Variants in CCDC15 observed in about 807,000 individuals in gnomAD.
CCDC15 encodes the protein coiled-coil domain-containing protein 15.
A neutral mutation model predicts 114.5 loss-of-function variants in CCDC15; 105 were observed. The observed-to-expected ratio is 0.92, with a 90% CI of 0.78 to 1.08. The LOEUF (loss-of-function observed/expected upper bound fraction) is 1.08. Among genes scored for constraint, CCDC15 ranks in the 50% least tolerant of loss-of-function variants. The pLI is 0.00. For missense variants in CCDC15, 1,105 were observed against 1,093.6 expected, an observed-to-expected ratio of 1.01 and a Z score of -0.15; for synonymous variants, 334 against 377.8, an observed-to-expected ratio of 0.88 and a Z score of 1.34.
rs1317522228 is a variant in CCDC15, at chr11:124,992,568, A to G, written c.2032-12A>G. ...TCTGTTGTTGTTTTTCCTTTAAAATATGTTTCTCAAGCAACCTGCATCTTT... is the reference window on the plus strand; with the variant it reads ...TCTGTTGTTGTTTTTCCTTTAAAATGTGTTTCTCAAGCAACCTGCATCTTT... On this transcript the variant is annotated splice_polypyrimidine_tract_variant and intron_variant, in intron 9 of 15. Coordinates refer to ENST00000344762, the MANE Select transcript of CCDC15 (RefSeq NM_025004.3). 4.0e-6 allele frequency: 6 copies of G among 1,516,036 alleles called. No individual in the cohort carries two copies. Among genetic ancestry groups the G allele is most frequent in the South Asian group, 1.2e-5 (1 of 84,110 alleles). The allele number at this position is 1,516,036 out of a possible 1,614,324, so 93.9% of individuals were successfully genotyped here. A position where few individuals can be genotyped will look rare whatever the true frequency, so the allele number is the denominator to read the frequency against.
chr11:125,009,739 G>A (rs887300336), intron 13 of CCDC15, among the ~76,000 whole-genome samples: 2 of 152,096 alleles, frequency 1.3e-5, no homozygotes, highest in Non-Finnish European at 2.9e-5. Context: ...CCACTTATAA[G>A]TGAGAGCATG....
At chr11:125,004,646 T>G (rs922846907) in intron 12 of CCDC15, among the ~76,000 whole-genome samples, 1 of 152,070 alleles carries the variant, frequency 6.6e-6, no homozygotes, top group African/African-American at 2.4e-5. Flanking sequence ...CTTGTTTCAT[T>G]TATGAGTCTG....
At chr11:124,959,055 C>T in intron 2 of CCDC15, 60 bp from the exon 3 acceptor site, 1 of 1,171,210 alleles carries the variant, frequency 8.5e-7, no homozygotes, top group South Asian at 1.7e-5. Context: ...GTGTTTAAAA[C>T]AGCCCTAATG....
At position 125,037,303 on chromosome 11, in the gene CCDC15, A is replaced by G. The variant is rs549264899; in HGVS notation, c.2412-1128A>G. 9.2e-5 allele frequency among the ~76,000 whole-genome samples: 14 copies of G among 152,358 alleles called. 1 individual carries two copies. Among genetic ancestry groups the G allele is most frequent in the South Asian group, 2.1e-4 (1 of 4,828 alleles). ...TACTCTACCTAATGTTCTGTGAAAT[A>G]CAAGTTTTTCAAGTTTGATTGGTGG... On this transcript the variant is annotated intron_variant, in intron 13 of 15. Transcript: ENST00000344762.
Position 125,040,866 on chromosome 11 carries a change from T to G in CCDC15, c.*155T>G. The G allele has an allele frequency of 2.8e-6, 2 of 711,474 alleles. No individual in the cohort carries two copies. Among genetic ancestry groups the G allele is most frequent in the South Asian group, 2.0e-5 (1 of 48,840 alleles). The allele number at this position is 711,474 out of a possible 1,614,324, so 44.1% of individuals were successfully genotyped here. A position where few individuals can be genotyped will look rare whatever the true frequency, so the allele number is the denominator to read the frequency against. ...AGATTGTAATCATTGTTTTAATCTC[T>G]GTCTGGGAACCAAGATTGAAAGCTG... On this transcript the variant is annotated 3_prime_UTR_variant, in exon 16 of 16. Transcript: ENST00000344762.
At position 125,035,122 on chromosome 11, in the gene CCDC15, G is replaced by A. The variant is rs183679411; in HGVS notation, c.2412-3309G>A. ...TAGGCTGGGAGGCTAAGCCAGTCTA[G>A]TCTATTCACGTTCTTCTGCCTGGTT... On this transcript the variant is annotated intron_variant, in intron 13 of 15. Transcript: ENST00000344762. Among the ~76,000 whole-genome samples, 14 of 152,226 alleles carry A rather than the reference G, an allele frequency of 9.2e-5. 1 individual carries two copies. Among genetic ancestry groups the A allele is most frequent in the African/African-American group, 3.1e-4 (13 of 41,540 alleles).
At chr11:124,977,341 G>GT (rs1185627316) in intron 5 of CCDC15, 137 bp from the exon 6 acceptor site, 17 of 648,018 alleles carry the variant, frequency 2.6e-5, no homozygotes, top group Middle Eastern at 4.3e-4. Context: ...TAGAACTCAT[G>GT]TTTTTTCCCT....
chr11:125,002,573 G>C (rs1948496669), intron 11 of CCDC15, among the ~76,000 whole-genome samples: 1 of 152,078 alleles, frequency 6.6e-6, no homozygotes, highest in African/African-American at 2.4e-5. Context: ...AAATTTTTGT[G>C]TGTAGTGTTA....
intron 4 of CCDC15, among the ~76,000 whole-genome samples, chr11:124,968,433 A>G (rs1489133596): frequency 6.6e-6 from 1 of 152,176 alleles, no homozygotes. Context: ...GCAGTGAGCA[A>G]GGCTCTGTGG....
chr11:124,990,696 A>ATAAATTG (rs1199201035), intron 8 of CCDC15, among the ~76,000 whole-genome samples: 1 of 152,234 alleles, frequency 6.6e-6, no homozygotes, highest in Non-Finnish European at 1.5e-5. Flanking sequence ...TCAATTTTTT[A>ATAAATTG]AATCAACACT....
chr11:124,975,891 G>A (rs1299913351), intron 5 of CCDC15, among the ~76,000 whole-genome samples: 5 of 141,632 alleles, frequency 3.5e-5, no homozygotes, highest in African/African-American at 1.4e-4. Context: ...AAATTCTTTT[G>A]ATTCAAAACT....
chr11:125,037,250 C>G (rs1948781480), intron 13 of CCDC15, among the ~76,000 whole-genome samples: 1 of 152,108 alleles, frequency 6.6e-6, no homozygotes. Context: ...GTGTTTATTC[C>G]CTACTGCTCA....
intron 13 of CCDC15, among the ~76,000 whole-genome samples, chr11:125,024,145 TGCA>T (rs1948679862): frequency 6.6e-6 from 1 of 152,080 alleles, no homozygotes; most frequent in Non-Finnish European, 1.5e-5. Context: ...TCTCTATATA[TGCA>T]TGTATTCCCA....
intron 2 of CCDC15, among the ~76,000 whole-genome samples, chr11:124,957,924 G>C (rs1316057535): frequency 6.6e-6 from 1 of 152,186 alleles, no homozygotes; most frequent in Admixed American, 6.5e-5. Flanking sequence ...TAGTGAAAGA[G>C]AGACATAGTC....
chr11:124,999,033 G>A (rs535590630), intron 11 of CCDC15, among the ~76,000 whole-genome samples: 5 of 151,770 alleles, frequency 3.3e-5, no homozygotes, highest in African/African-American at 7.3e-5. Context: ...CACTGCGCCC[G>A]GCCGAGAGTC....
At chr11:125,038,627 A>G (rs1362662253) in intron 14 of CCDC15, 23 bp downstream of exon 14, 3 of 1,517,476 alleles carry the variant, frequency 2.0e-6, no homozygotes, top group South Asian at 1.3e-5. Flanking sequence ...GGTCTTCATG[A>G]TATTTTGGCT....
chr11:125,035,498 G>C (rs11219871), intron 13 of CCDC15, among the ~76,000 whole-genome samples: 45,586 of 146,076 alleles, frequency 0.31, 8,020 homozygotes, highest in East Asian at 0.71. Context: ...TTGCAGGCAA[G>C]GAATTGTTGG....
At chr11:124,988,201 G>T in intron 8 of CCDC15, 67 bp downstream of exon 8, 2 of 1,477,258 alleles carry the variant, frequency 1.4e-6, no homozygotes, top group South Asian at 1.3e-5. Flanking sequence ...GGAGGGATTT[G>T]TAAGGACTGC....
At chr11:125,021,107 G>A (rs1948658051) in intron 13 of CCDC15, among the ~76,000 whole-genome samples, 1 of 151,784 alleles carries the variant, frequency 6.6e-6, no homozygotes. Flanking sequence ...AAGGTATTGA[G>A]TAAGAAAAGG....
Sources: gnomAD v4.1 joint callset for allele counts (sites outside exome capture counted in the v4.1 genomes callset) on GRCh38, gnomAD v4.1.1 for gene constraint, MANE v1.5 for transcripts, NCBI Gene and HGNC (gene_info 2026-07-23, HGNC 2026-07-21) for gene names.